RICTOR: variants seen among roughly 807,000 people sequenced by gnomAD.
RICTOR encodes the protein RPTOR independent companion of MTOR complex 2.
Under a neutral mutation model 214.9 loss-of-function variants are expected in RICTOR, and 49 were observed. The observed-to-expected ratio is 0.23, with a 90% confidence interval of 0.18 to 0.29. The LOEUF (loss-of-function observed/expected upper bound fraction) is 0.29, where lower values mean the gene tolerates loss of function less well. RICTOR is among the 10% of genes least tolerant of loss of function. The probability of loss-of-function intolerance (pLI) is 1.00; values close to 1 mark genes in which losing one functional copy is unlikely to be tolerated. For missense variants in RICTOR, 1,625 were observed against 2,047.0 expected, an observed-to-expected ratio of 0.79 and a Z score of 3.98; for synonymous variants, 717 against 711.3, an observed-to-expected ratio of 1.01 and a Z score of -0.13.
intron 2 of RICTOR, among the ~76,000 whole-genome samples, chr5:39,038,587 A>C (rs1358798082): frequency 2.0e-5 from 3 of 152,212 alleles, no homozygotes; most frequent in Non-Finnish European, 2.9e-5. Context: ...TCTCAGCCCA[A>C]AATCTCCTTA....
At chr5:38,980,226 T>C (rs1361637116) in intron 8 of RICTOR, among the ~76,000 whole-genome samples, 1 of 152,154 alleles carries the variant, frequency 6.6e-6, no homozygotes, top group Non-Finnish European at 1.5e-5. Context: ...TGCAAGCATG[T>C]TTCTATGGAT....
At chr5:39,020,259 G>A (rs866763831) in intron 3 of RICTOR, among the ~76,000 whole-genome samples, 7 of 152,030 alleles carry the variant, frequency 4.6e-5, no homozygotes, top group South Asian at 2.1e-4. Flanking sequence ...CAGGGTTTGA[G>A]AGGACTAACT....
At chr5:39,058,805 C>T (rs1019318680) in intron 2 of RICTOR, among the ~76,000 whole-genome samples, 12 of 152,072 alleles carry the variant, frequency 7.9e-5, no homozygotes, top group Non-Finnish European at 1.8e-4. Context: ...TAGGTCAACA[C>T]AAAACTTCTA....
Position 38,954,701 on chromosome 5 carries a change from A to G in RICTOR, c.2697+73T>C, listed in dbSNP as rs527449522. The stretch of plus-strand genomic sequence containing the variant: ...TTTGAGAAGTTTTTGCAAAGGTAAT[A>G]TTTTAGCAATGTTAAGATTTTGTTT... On this transcript the variant is annotated intron_variant, in intron 27 of 37. Transcript: ENST00000357387. The G allele has an allele frequency of 2.9e-5, 27 of 922,162 alleles. No individual in the cohort carries two copies. The South Asian group carries it at 3.8e-4, about 13-fold the overall frequency. 57.1% of individuals were successfully genotyped at this position (922,162 alleles called of 1,614,324 possible).
chr5:38,992,818 A>T (rs1752885073), intron 6 of RICTOR, among the ~76,000 whole-genome samples: 1 of 152,192 alleles, frequency 6.6e-6, no homozygotes, highest in South Asian at 2.1e-4. Context: ...CACTGTTAAA[A>T]CTGTAAAAGT....
chr5:39,072,935 C>T (rs892820754), intron 2 of RICTOR, among the ~76,000 whole-genome samples: 1 of 152,184 alleles, frequency 6.6e-6, no homozygotes, highest in Non-Finnish European at 1.5e-5. Context: ...TAAGTGAAAG[C>T]TGACCATTCA....
intron 3 of RICTOR, among the ~76,000 whole-genome samples, chr5:39,006,468 A>G (rs898201015): frequency 3.9e-5 from 6 of 151,970 alleles, no homozygotes; most frequent in African/African-American, 1.5e-4. Flanking sequence ...AACACTGAAG[A>G]CCAAGAAGGG....
chr5:39,061,021 T>C (rs1758505694), intron 2 of RICTOR, among the ~76,000 whole-genome samples: 1 of 152,064 alleles, frequency 6.6e-6, no homozygotes, highest in African/African-American at 2.4e-5. Context: ...TTAAGTAATG[T>C]TTTTAACACA....
chr5:38,958,434 A>G lies in RICTOR; in HGVS notation c.2420+9T>C. ...AAAAAACATAACAGAAAATTTACTT[A>G]AAATTTACCTCAGCAGGAGAAGCAA... On this transcript the variant is annotated intron_variant, in intron 24 of 37. Coordinates refer to ENST00000357387, the MANE Select transcript of RICTOR (RefSeq NM_152756.5). 6.3e-7 allele frequency: 1 copy of G among 1,575,370 alleles called. No homozygotes were observed. The highest frequency in any genetic ancestry group is 8.7e-7 in the Non-Finnish European group (1 of 1,144,868).
At chr5:39,047,816 C>G (rs1217191616) in intron 2 of RICTOR, among the ~76,000 whole-genome samples, 1 of 152,138 alleles carries the variant, frequency 6.6e-6, no homozygotes, top group African/African-American at 2.4e-5. Flanking sequence ...TGGACCTGTA[C>G]AATTAATACT....
Position 38,999,539 on chromosome 5 carries a change from T to C in RICTOR, c.393-2657A>G, listed in dbSNP as rs190670587. 1.6e-4 allele frequency among the ~76,000 whole-genome samples: 24 copies of C among 152,020 alleles called. No individual in the cohort carries two copies. The East Asian group carries it at 4.4e-3, about 28-fold the overall frequency. The stretch of plus-strand genomic sequence containing the variant: ...TATCAAGGATATATGTTCCAATCTC[T>C]AGGACAACTACTAAAAAGAAGGAAA... On this transcript the variant is annotated intron_variant, in intron 5 of 37. Coordinates refer to ENST00000357387, the MANE Select transcript of RICTOR (RefSeq NM_152756.5).
rs948247069 is a variant in RICTOR, at chr5:38,941,511, C to T, written c.*793G>A. 3.5e-5 allele frequency: 8 copies of T among 231,056 alleles called. No individual in the cohort carries two copies. The highest frequency in any genetic ancestry group is 1.7e-4 in the Admixed American group (3 of 17,694). The allele number at this position is 231,056 out of a possible 1,614,324, so 14.3% of individuals were successfully genotyped here. On this transcript the variant is annotated 3_prime_UTR_variant, in exon 38 of 38. Transcript: ENST00000357387. ...TGGAAAGTTGATGAAAGTGGAAGTC[C>T]ATTGCAAATATATGCATTCTATAAA...
chr5:39,039,264 T>G (rs577925790), intron 2 of RICTOR, among the ~76,000 whole-genome samples: 1 of 152,302 alleles, frequency 6.6e-6, no homozygotes, highest in African/African-American at 2.4e-5. Context: ...GCTAGCCATA[T>G]GTAGAAAGCT....
At position 38,942,267 on chromosome 5, in the gene RICTOR, T is replaced by C. The variant is rs1342265589; in HGVS notation, c.*37A>G. The C allele has an allele frequency of 2.5e-6, 3 of 1,196,558 alleles. No individual in the cohort carries two copies. Among genetic ancestry groups the C allele is most frequent in the Admixed American group, 3.6e-5 (2 of 56,002 alleles). 74.1% of individuals were successfully genotyped at this position (1,196,558 alleles called of 1,614,324 possible). A position where few individuals can be genotyped will look rare whatever the true frequency, so the allele number is the denominator to read the frequency against. On this transcript the variant is annotated 3_prime_UTR_variant, in exon 38 of 38. Coordinates refer to ENST00000357387, the MANE Select transcript of RICTOR (RefSeq NM_152756.5). Reference sequence around the variant, plus strand: ...TTTAGGAAATCCACAAATATGAATATATATAGTATGTATCTATATCCATCA... The same window carrying C: ...TTTAGGAAATCCACAAATATGAATACATATAGTATGTATCTATATCCATCA...
chr5:39,015,144 TA>T (rs1754848334), intron 3 of RICTOR, among the ~76,000 whole-genome samples: 2 of 152,142 alleles, frequency 1.3e-5, no homozygotes. Context: ...TAGGCATATC[TA>T]TCAAATAATG....
chr5:38,959,177 T>G lies in RICTOR; in HGVS notation c.2178+18A>C. On this transcript the variant is annotated intron_variant, in intron 22 of 37. Coordinates refer to ENST00000357387, the MANE Select transcript of RICTOR (RefSeq NM_152756.5). ...TAATTGGTTATAAATATAGTTTTAC[T>G]GGCTATGTTATACTCACATCAGTAG... is the stretch of plus-strand genomic sequence containing the variant. 4.5e-6 allele frequency: 7 copies of G among 1,542,052 alleles called. No homozygotes were observed. Among genetic ancestry groups the G allele is most frequent in the East Asian group, 4.6e-5 (2 of 43,530 alleles).
chr5:38,958,351 C>T (rs561166027), intron 24 of RICTOR, 92 bp downstream of exon 24: 19 of 805,740 alleles, frequency 2.4e-5, no homozygotes, highest in South Asian at 2.1e-4. Context: ...AACTCTTCAG[C>T]GTACTTCCCA....
In RICTOR at chr5:38,938,497, G is replaced by T; in HGVS notation, c.*3807C>A. On this transcript the variant is annotated 3_prime_UTR_variant, in exon 38 of 38. Transcript: ENST00000357387. ...TTTTTTTGGCATAAATTATATTTTT[G>T]AAATTAAATATTCTATAAAGAAAGT... is the stretch of plus-strand genomic sequence containing the variant. 4.3e-6 allele frequency: 1 copy of T among 232,084 alleles called. No homozygotes were observed. 14.4% of individuals were successfully genotyped at this position (232,084 alleles called of 1,614,324 possible).
intron 31 of RICTOR, among the ~76,000 whole-genome samples, chr5:38,949,047 T>G (rs535302071): frequency 6.6e-6 from 1 of 152,186 alleles, no homozygotes; most frequent in East Asian, 1.9e-4. Flanking sequence ...AATTTAAAAC[T>G]AAGGAAAGTT....
Sources: allele counts gnomAD v4.1 joint callset (sites outside exome capture counted in the v4.1 genomes callset), GRCh38; gene constraint gnomAD v4.1.1; transcripts MANE v1.5; gene names NCBI Gene and HGNC (gene_info 2026-07-23, HGNC 2026-07-21).